Variants in WWTR1 observed in about 807,000 individuals in gnomAD.
WWTR1 encodes WW domain-containing transcription regulator protein 1.
Under a neutral mutation model 40.1 loss-of-function variants are expected in WWTR1, and 13 were observed. The ratio of observed to expected loss-of-function variants is 0.32; its 90% CI spans 0.21 to 0.52. The LOEUF is 0.52. Ranked by LOEUF, WWTR1 falls within the 20% of genes least tolerant of loss-of-function variation. The pLI is 0.97. For missense variants in WWTR1, 436 were observed against 523.1 expected, an observed-to-expected ratio of 0.83 and a Z score of 1.63; for synonymous variants, 230 against 210.1, an observed-to-expected ratio of 1.09 and a Z score of -0.82.
At chr3:149,683,841 C>T (rs757597356) in intron 1 of WWTR1, among the ~76,000 whole-genome samples, 118 of 152,084 alleles carry the variant, frequency 7.8e-4, no homozygotes, top group Non-Finnish European at 1.3e-3. Flanking sequence ...CCAAGAGAGA[C>T]GAGCTGGGGT....
At chr3:149,542,880 T>A (rs2107938535) in intron 3 of WWTR1, among the ~76,000 whole-genome samples, 1 of 147,222 alleles carries the variant, frequency 6.8e-6, no homozygotes, top group Admixed American at 6.7e-5. Context: ...TTTCACCAGA[T>A]CATTTGTGTG....
intron 2 of WWTR1, among the ~76,000 whole-genome samples, chr3:149,622,759 G>A (rs1240983419): frequency 6.6e-6 from 1 of 152,120 alleles, no homozygotes; most frequent in Admixed American, 6.6e-5. Flanking sequence ...GCACAGTGGT[G>A]CATGCCTGTA....
intron 2 of WWTR1, among the ~76,000 whole-genome samples, chr3:149,668,215 T>A (rs954323655): frequency 4.5e-4 from 68 of 152,236 alleles, no homozygotes; most frequent in African/African-American, 1.6e-3. Flanking sequence ...ACAACTTGTA[T>A]CTTTCAGCAA....
intron 2 of WWTR1, among the ~76,000 whole-genome samples, chr3:149,597,283 A>G (rs958653012): frequency 1.3e-5 from 2 of 152,018 alleles, no homozygotes; most frequent in Non-Finnish European, 2.9e-5. Flanking sequence ...AAAATTCTCT[A>G]TGCCTTAAGG....
At chr3:149,655,238 A>C (rs1454894638) in intron 2 of WWTR1, among the ~76,000 whole-genome samples, 1 of 152,036 alleles carries the variant, frequency 6.6e-6, no homozygotes, top group Non-Finnish European at 1.5e-5. Context: ...TGAGGTCAGG[A>C]GTTCAAGACC....
intron 2 of WWTR1, among the ~76,000 whole-genome samples, chr3:149,639,590 T>C (rs1712034265): frequency 6.6e-6 from 1 of 152,178 alleles, no homozygotes; most frequent in Non-Finnish European, 1.5e-5. Flanking sequence ...CATTAGTATG[T>C]AGCTCTCAAG....
At chr3:149,671,014 C>G (rs760574566) in intron 1 of WWTR1, 2 of 152,112 alleles carry the variant, frequency 1.3e-5, no homozygotes, top group Non-Finnish European at 2.9e-5. Flanking sequence ...ATGACAACGC[C>G]GTCTGTCCTG....
chr3:149,552,539 T>G (rs1308581570), intron 3 of WWTR1, among the ~76,000 whole-genome samples: 1 of 152,224 alleles, frequency 6.6e-6, no homozygotes. Context: ...CTCTAGAGTT[T>G]CATAGGGGAA....
intron 2 of WWTR1, among the ~76,000 whole-genome samples, chr3:149,645,445 T>TAC (rs1712464128): frequency 6.6e-6 from 1 of 152,198 alleles, no homozygotes; most frequent in African/African-American, 2.4e-5. Flanking sequence ...ATGCTGGGAT[T>TAC]ACAGGTATGA....
upstream of WWTR1, among the ~76,000 whole-genome samples, chr3:149,704,200 C>T (rs1270044557): frequency 6.6e-6 from 1 of 152,024 alleles, no homozygotes; most frequent in Non-Finnish European, 1.5e-5. Flanking sequence ...ATGTGTTTAC[C>T]CCCAAACCTC....
chr3:149,655,501 TC>T (rs1266775812), intron 2 of WWTR1, among the ~76,000 whole-genome samples: 20 of 152,160 alleles, frequency 1.3e-4, no homozygotes, highest in African/African-American at 4.8e-4. Flanking sequence ...TACATCATAT[TC>T]TTGACTCCAC....
chr3:149,665,623 AAG>A (rs1285880014), intron 2 of WWTR1, among the ~76,000 whole-genome samples: 2 of 152,220 alleles, frequency 1.3e-5, no homozygotes, highest in African/African-American at 4.8e-5. Flanking sequence ...AGTGTTTATG[AAG>A]ACAATGTGAC....
chr3:149,645,616 T>A (rs1302189122), intron 2 of WWTR1, among the ~76,000 whole-genome samples: 1 of 152,220 alleles, frequency 6.6e-6, no homozygotes, highest in Non-Finnish European at 1.5e-5. Flanking sequence ...ATAGTCACAT[T>A]TACCATTTGC....
At chr3:149,557,157 G>A (rs936100606) in intron 3 of WWTR1, among the ~76,000 whole-genome samples, 5 of 128,456 alleles carry the variant, frequency 3.9e-5, no homozygotes, top group Admixed American at 9.9e-5. Context: ...TGCAACCTCC[G>A]CCTCCCTGAT....
intron 3 of WWTR1, among the ~76,000 whole-genome samples, chr3:149,550,385 A>T (rs1359336155): frequency 6.6e-6 from 1 of 152,190 alleles, no homozygotes; most frequent in Non-Finnish European, 1.5e-5. Flanking sequence ...TCTTTAGAGT[A>T]ATAGGGGGTA....
chr3:149,519,270 T>A lies in WWTR1; in HGVS notation c.*1535A>T, dbSNP rs2107890640. 1 of 152,370 alleles carries A rather than the reference T, an allele frequency of 6.6e-6. No homozygotes were observed. The highest frequency in any genetic ancestry group is 2.1e-4 in the South Asian group (1 of 4,828). 9.4% of individuals were successfully genotyped at this position (152,370 alleles called of 1,614,324 possible). A position where few individuals can be genotyped will look rare whatever the true frequency, so the allele number is the denominator to read the frequency against. ...TAAGAGGTATTGAATACATATTTCA[T>A]GCCTTTTTATACCAACTGTAGCAAA... On this transcript the variant is annotated 3_prime_UTR_variant, in exon 7 of 7. Coordinates refer to ENST00000360632, the MANE Select transcript of WWTR1 (RefSeq NM_015472.6).
chr3:149,535,373 C>CG (rs1481443171), intron 4 of WWTR1, among the ~76,000 whole-genome samples: 1 of 151,466 alleles, frequency 6.6e-6, no homozygotes, highest in African/African-American at 2.4e-5. Context: ...CGGGGGACGG[C>CG]GGGGGGAACA....
At chr3:149,578,652 C>T (rs1301267797) in intron 2 of WWTR1, among the ~76,000 whole-genome samples, 15 of 152,138 alleles carry the variant, frequency 9.9e-5, no homozygotes, top group African/African-American at 2.9e-4. Context: ...AATCCCAGCA[C>T]TTTGGGAGGC....
chr3:149,667,876 A>T (rs1225706776), intron 2 of WWTR1, among the ~76,000 whole-genome samples: 2 of 152,236 alleles, frequency 1.3e-5, no homozygotes, highest in African/African-American at 2.4e-5. Context: ...AGGGAAAAGA[A>T]TCTGAAGATA....
Sources: allele counts gnomAD v4.1 joint callset (sites outside exome capture counted in the v4.1 genomes callset), GRCh38; gene constraint gnomAD v4.1.1; transcripts MANE v1.5; gene names NCBI Gene and HGNC (gene_info 2026-07-23, HGNC 2026-07-21).